Variants in TMEM114 observed in about 807,000 individuals in gnomAD.
TMEM114 encodes the protein transmembrane protein 114.
A neutral mutation model predicts 6.2 loss-of-function variants in TMEM114; 6 were observed. The ratio of observed to expected loss-of-function variants is 0.97; its 90% CI spans 0.53 to 1.91. TMEM114 has a LOEUF of 1.91. Ranked by LOEUF, TMEM114 falls within the 40% of genes most tolerant of loss-of-function variation. The pLI, the probability that TMEM114 is intolerant of heterozygous loss-of-function variation, is 0.01. For synonymous variants in TMEM114, 104 were observed against 73.0 expected (o/e 1.42, Z -2.16); for missense variants, 218 against 158.3 (o/e 1.38, Z -2.02).
intron 2 of TMEM114, among the ~76,000 whole-genome samples, chr16:8,546,492 C>G (rs1285188270): frequency 6.6e-6 from 1 of 152,180 alleles, no homozygotes; most frequent in Non-Finnish European, 1.5e-5. Context: ...CAGGAACCAG[C>G]CCAGGGTGCC....
intron 2 of TMEM114, among the ~76,000 whole-genome samples, chr16:8,547,924 C>T (rs1900723134): frequency 6.6e-6 from 1 of 152,176 alleles, no homozygotes; most frequent in Non-Finnish European, 1.5e-5. Context: ...CTGTGGCCTG[C>T]TCTTTTGACC....
At chr16:8,577,795 C>T (rs1296003484) in intron 2 of TMEM114, among the ~76,000 whole-genome samples, 3 of 152,090 alleles carry the variant, frequency 2.0e-5, no homozygotes, top group Non-Finnish European at 4.4e-5. Flanking sequence ...CCATATTGGT[C>T]AGGCTGCTCT....
At chr16:8,542,310 G>C (rs746080501) in intron 2 of TMEM114, among the ~76,000 whole-genome samples, 2 of 152,114 alleles carry the variant, frequency 1.3e-5, no homozygotes, top group African/African-American at 2.4e-5. Context: ...CATCTTACAA[G>C]AGATGTTTTA....
the TMEM114 span, among the ~76,000 whole-genome samples, chr16:8,530,956 G>A: frequency 3.9e-5 from 6 of 151,986 alleles, no homozygotes; most frequent in African/African-American, 7.3e-5. Flanking sequence ...AGTGGGAGGC[G>A]GAGTTTGCAG....
At chr16:8,566,244 G>A (rs117880852), downstream of TMEM114, among the ~76,000 whole-genome samples, 1 of 152,056 alleles carries the variant, frequency 6.6e-6, no homozygotes, top group Non-Finnish European at 1.5e-5. Flanking sequence ...GTGCATGGTG[G>A]TGCGTGCCTG....
intron 2 of TMEM114, among the ~76,000 whole-genome samples, chr16:8,547,534 A>G (rs1217087870): frequency 6.6e-6 from 1 of 150,678 alleles, no homozygotes; most frequent in Non-Finnish European, 1.5e-5. Context: ...CTGGGATTAC[A>G]GGCACCCGCC....
downstream of TMEM114, among the ~76,000 whole-genome samples, chr16:8,534,579 T>A (rs957027915): frequency 6.6e-6 from 1 of 152,138 alleles, no homozygotes; most frequent in Non-Finnish European, 1.5e-5. Context: ...AAAATAGTAA[T>A]GGGGTGGTAC....
chr16:8,578,346 T>G (rs113829078), intron 2 of TMEM114, among the ~76,000 whole-genome samples: 7 of 152,254 alleles, frequency 4.6e-5, no homozygotes, highest in African/African-American at 1.7e-4. Context: ...TCTTATGTCC[T>G]GGGAGCCGTT....
the TMEM114 span, among the ~76,000 whole-genome samples, chr16:8,527,680 C>A: frequency 1.4e-3 from 215 of 152,034 alleles, 1 homozygote; most frequent in African/African-American, 4.9e-3. Flanking sequence ...AGTTTTGGGC[C>A]CCACTATACA....
downstream of TMEM114, among the ~76,000 whole-genome samples, chr16:8,537,285 G>T (rs1323024896): frequency 6.6e-6 from 1 of 152,134 alleles, no homozygotes; most frequent in East Asian, 1.9e-4. Context: ...CAGATGACCT[G>T]AGATCAGGAA....
At chr16:8,553,635 G>A (rs1900914038) in intron 2 of TMEM114, among the ~76,000 whole-genome samples, 1 of 151,976 alleles carries the variant, frequency 6.6e-6, no homozygotes. Flanking sequence ...GCCGGCGCCT[G>A]CCATCACGCC....
Position 8,569,990 on chromosome 16 carries a change from G to A in TMEM114, c.455C>T (p.Ala152Val), listed in dbSNP as rs971473129. The A allele has an allele frequency of 2.4e-5, 37 of 1,549,774 alleles. No individual in the cohort carries two copies. The Admixed American group carries it at 7.1e-4, about 30-fold the overall frequency. ...ATACGCTATGTAGACGCTGATCCCA[G>A]CGAGGGTCACCATGGCTGCAGGGAG... ...LFLFGAMVTL[A>V]GISVYIAYSA... The change falls in exon 4 of 4, where the codon GCT becomes GTT. Residue 152 changes from alanine to valine, a missense_variant. Physicochemically the swap from Ala to Val is moderately conservative, Grantham distance 64. Transcript: ENST00000620492.
At chr16:8,535,083 T>A (rs1301299771), downstream of TMEM114, among the ~76,000 whole-genome samples, 1 of 152,044 alleles carries the variant, frequency 6.6e-6, no homozygotes, top group Non-Finnish European at 1.5e-5. Context: ...GTGTGAGTGG[T>A]GGGAAGTCTC....
At chr16:8,543,234 A>G (rs1030119054) in intron 2 of TMEM114, among the ~76,000 whole-genome samples, 7 of 152,160 alleles carry the variant, frequency 4.6e-5, no homozygotes, top group Non-Finnish European at 1.0e-4. Flanking sequence ...CATGAGGAGC[A>G]CTTGTTCATT....
At chr16:8,561,099 G>A (rs72776598) in intron 2 of TMEM114, among the ~76,000 whole-genome samples, 26,567 of 152,116 alleles carry the variant, frequency 0.17, 2,802 homozygotes, top group Middle Eastern at 0.32. Flanking sequence ...CGATTATCTC[G>A]CACAGGGTCC....
chr16:8,556,293 A>G (rs1308638412), intron 2 of TMEM114, among the ~76,000 whole-genome samples: 1 of 152,182 alleles, frequency 6.6e-6, no homozygotes, highest in Non-Finnish European at 1.5e-5. Context: ...CTCAAGCTAT[A>G]GACAGAGATC....
downstream of TMEM114, among the ~76,000 whole-genome samples, chr16:8,564,569 A>AG (rs1567203799): frequency 1.6e-4 from 14 of 85,672 alleles, no homozygotes; most frequent in Non-Finnish European, 2.3e-4. Context: ...GAGTGAGTGA[A>AG]TGAGTGAGTG....
intron 2 of TMEM114, among the ~76,000 whole-genome samples, chr16:8,539,623 G>A (rs79970031): frequency 2.0e-5 from 3 of 152,086 alleles, no homozygotes; most frequent in African/African-American, 7.2e-5. Context: ...GGTTGTATCA[G>A]CTGGAAGCAC....
At chr16:8,575,090 G>T (rs1324174235) in intron 2 of TMEM114, among the ~76,000 whole-genome samples, 2 of 152,166 alleles carry the variant, frequency 1.3e-5, no homozygotes, top group African/African-American at 4.8e-5. Context: ...CACCAATTTT[G>T]TGGGGGCTGG....
Sources: allele counts gnomAD v4.1 joint callset (sites outside exome capture counted in the v4.1 genomes callset), GRCh38; gene constraint gnomAD v4.1.1; transcripts MANE v1.5; gene names NCBI Gene and HGNC (gene_info 2026-07-23, HGNC 2026-07-21).